DDAH1: variants seen among roughly 807,000 people sequenced by gnomAD.
DDAH1 encodes the protein dimethylarginine dimethylaminohydrolase 1.
In DDAH1, 19 loss-of-function variants were observed where a neutral mutation model predicts 28.8. That is an observed-to-expected ratio of 0.66 (90% CI 0.46 to 0.97). The LOEUF (loss-of-function observed/expected upper bound fraction) is 0.97. DDAH1 is among the 50% of genes least tolerant of loss of function. The pLI is 0.00. For synonymous variants in DDAH1, 153 were observed against 154.4 expected (o/e 0.99, Z 0.07); for missense variants, 326 against 375.9 (o/e 0.87, Z 1.10).
At chr1:85,366,587 T>C (rs1256025976) in intron 1 of DDAH1, among the ~76,000 whole-genome samples, 2 of 152,170 alleles carry the variant, frequency 1.3e-5, no homozygotes. Context: ...TTCATAAATA[T>C]GACTCTAACT....
intron 1 of DDAH1, among the ~76,000 whole-genome samples, chr1:85,456,481 T>C (rs116011500): frequency 0.048 from 7,284 of 152,304 alleles, 253 homozygotes; most frequent in Middle Eastern, 0.099. Context: ...ACAACCATTC[T>C]GTTTTTCACT....
chr1:85,521,032 C>T (rs1657665137), intron 1 of DDAH1, among the ~76,000 whole-genome samples: 1 of 152,142 alleles, frequency 6.6e-6, no homozygotes. Flanking sequence ...GTTAAGTTAC[C>T]TCTCCAGGGC....
chr1:85,411,575 A>G (rs1457549665), intron 1 of DDAH1, among the ~76,000 whole-genome samples: 1 of 152,204 alleles, frequency 6.6e-6, no homozygotes, highest in East Asian at 1.9e-4. Context: ...CCTAGCTCTT[A>G]GCAAAATGGC....
At chr1:85,419,494 C>A (rs1311926038) in intron 1 of DDAH1, among the ~76,000 whole-genome samples, 1 of 142,352 alleles carries the variant, frequency 7.0e-6, no homozygotes, top group Non-Finnish European at 1.5e-5. Flanking sequence ...TAGCCAAGAT[C>A]ACACCATTGC....
At chr1:85,519,414 A>G (rs1231475089) in intron 1 of DDAH1, among the ~76,000 whole-genome samples, 2 of 152,258 alleles carry the variant, frequency 1.3e-5, no homozygotes, top group African/African-American at 4.8e-5. Flanking sequence ...ATGAATATCA[A>G]CAGATTAAGA....
intron 1 of DDAH1, among the ~76,000 whole-genome samples, chr1:85,377,776 A>C (rs968326805): frequency 2.0e-5 from 3 of 149,616 alleles, no homozygotes; most frequent in Non-Finnish European, 3.0e-5. Context: ...AATCCATTTG[A>C]TGACTGAAGA....
chr1:85,356,249 A>G (rs1421764858), intron 2 of DDAH1, among the ~76,000 whole-genome samples: 1 of 152,240 alleles, frequency 6.6e-6, no homozygotes, highest in African/African-American at 2.4e-5. Flanking sequence ...TGTCTATTTA[A>G]GAGAAATGGT....
chr1:85,451,173 C>T (rs969768623), intron 1 of DDAH1, among the ~76,000 whole-genome samples: 15 of 152,148 alleles, frequency 9.9e-5, no homozygotes, highest in Admixed American at 7.9e-4. Flanking sequence ...AATACAAGAG[C>T]AATGAATGCC....
At chr1:85,368,169 C>T (rs1199806373) in intron 1 of DDAH1, among the ~76,000 whole-genome samples, 2 of 152,026 alleles carry the variant, frequency 1.3e-5, no homozygotes, top group African/African-American at 4.8e-5. Flanking sequence ...TAAAAGCATC[C>T]CAGGATTATG....
At chr1:85,440,397 T>C (rs987673957) in intron 1 of DDAH1, among the ~76,000 whole-genome samples, 2 of 152,106 alleles carry the variant, frequency 1.3e-5, no homozygotes, top group African/African-American at 4.8e-5. Flanking sequence ...CTTTCCAAAA[T>C]CCCTCTGAAA....
intron 4 of DDAH1, among the ~76,000 whole-genome samples, chr1:85,348,393 T>C (rs1443479197): frequency 6.6e-6 from 1 of 152,172 alleles, no homozygotes; most frequent in South Asian, 2.1e-4. Flanking sequence ...GGCTTTCTCC[T>C]CAAAGACCCA....
intron 4 of DDAH1, among the ~76,000 whole-genome samples, chr1:85,345,320 A>C (rs987967497): frequency 3.8e-5 from 5 of 132,536 alleles, no homozygotes; most frequent in African/African-American, 1.4e-4. Flanking sequence ...GTGCTAATTA[A>C]TTTGTCTTAC....
At chr1:85,467,084 G>A (rs974090058), upstream of DDAH1, among the ~76,000 whole-genome samples, 10 of 152,160 alleles carry the variant, frequency 6.6e-5, no homozygotes, top group East Asian at 1.4e-3. Flanking sequence ...TGATCCGCCT[G>A]CCTCGGCCTC....
intron 2 of DDAH1, among the ~76,000 whole-genome samples, 179 bp from the exon 3 acceptor site, chr1:85,351,758 T>C (rs2100844464): frequency 6.6e-6 from 1 of 151,590 alleles, no homozygotes; most frequent in South Asian, 2.1e-4. Flanking sequence ...ATAAACTTTT[T>C]CAAATTCAAA....
intron 2 of DDAH1, chr1:85,493,921 AGTCTAGT>A (rs1302596096): frequency 6.6e-6 from 1 of 152,222 alleles, no homozygotes; most frequent in Non-Finnish European, 1.5e-5. Flanking sequence ...AGTAATTCAA[AGTCTAGT>A]GTTTAATTTA....
chr1:85,545,821 C>T (rs761741096), intron 1 of DDAH1, among the ~76,000 whole-genome samples: 20 of 151,948 alleles, frequency 1.3e-4, no homozygotes, highest in Non-Finnish European at 2.6e-4. Flanking sequence ...ACTGATCTTC[C>T]CATGTATTGC....
chr1:85,373,121 CATT>C (rs1323860868), intron 1 of DDAH1, among the ~76,000 whole-genome samples: 1 of 152,054 alleles, frequency 6.6e-6, no homozygotes, highest in Non-Finnish European at 1.5e-5. Context: ...AAACTAAATG[CATT>C]TCAGTATTAT....
intron 2 of DDAH1, chr1:85,495,598 C>T (rs917310368): frequency 3.9e-5 from 6 of 152,154 alleles, no homozygotes; most frequent in Non-Finnish European, 5.9e-5. Context: ...GGAATGAAGG[C>T]GCTGGGACAC....
At chr1:85,368,125 C>T (rs1225855290) in intron 1 of DDAH1, among the ~76,000 whole-genome samples, 1 of 152,108 alleles carries the variant, frequency 6.6e-6, no homozygotes, top group Admixed American at 6.5e-5. Flanking sequence ...ACACTAAGAC[C>T]ATCCTGCCTA....
Sources: gnomAD v4.1 joint callset for allele counts (sites outside exome capture counted in the v4.1 genomes callset) on GRCh38, gnomAD v4.1.1 for gene constraint, MANE v1.5 for transcripts, NCBI Gene and HGNC (gene_info 2026-07-23, HGNC 2026-07-21) for gene names.